Variants in CLASP1 observed in about 807,000 individuals in gnomAD.
The protein encoded by CLASP1 is cytoplasmic linker associated protein 1.
CLASP1 carries 38 observed loss-of-function variants against 192.3 expected under a neutral mutation model. The ratio of observed to expected loss-of-function variants is 0.20; its 90% CI spans 0.15 to 0.26. The LOEUF (loss-of-function observed/expected upper bound fraction) is 0.26, where lower values mean the gene tolerates loss of function less well. Ranked by LOEUF, CLASP1 falls within the 10% of genes least tolerant of loss-of-function variation. The pLI is 1.00. For missense variants in CLASP1, 1,433 were observed against 1,932.5 expected (o/e 0.74, Z 4.85); for synonymous variants, 691 against 712.8 (o/e 0.97, Z 0.49).
At chr2:121,528,500 G>A (rs2094641997) in intron 4 of CLASP1, among the ~76,000 whole-genome samples, 177 bp downstream of exon 4, 1 of 152,204 alleles carries the variant, frequency 6.6e-6, no homozygotes, top group Non-Finnish European at 1.5e-5. Flanking sequence ...ATAGTTTTGT[G>A]ACTTATTTAA....
At chr2:121,343,757 C>T (rs919432261) in intron 39 of CLASP1, among the ~76,000 whole-genome samples, 4 of 152,096 alleles carry the variant, frequency 2.6e-5, no homozygotes, top group Non-Finnish European at 4.4e-5. Context: ...GATGGTTATA[C>T]AACAATATGA....
At chr2:121,531,103 C>G (rs1403471112) in intron 2 of CLASP1, 3 of 645,172 alleles carry the variant, frequency 4.6e-6, no homozygotes, top group East Asian at 5.5e-5. Flanking sequence ...GTGCACAAGA[C>G]GCGTGGTTTT....
chr2:121,361,201 C>T (rs764703618), intron 37 of CLASP1, among the ~76,000 whole-genome samples: 8 of 152,110 alleles, frequency 5.3e-5, no homozygotes, highest in African/African-American at 1.7e-4. Flanking sequence ...GGCTCATGCC[C>T]GTAGTCCCAG....
intron 2 of CLASP1, among the ~76,000 whole-genome samples, chr2:121,553,782 T>C (rs1317270103): frequency 1.3e-5 from 2 of 152,196 alleles, no homozygotes; most frequent in Non-Finnish European, 2.9e-5. Context: ...TCATTAATTA[T>C]GAATTAATGC....
At chr2:121,430,931 A>G (rs1384100109) in intron 19 of CLASP1, among the ~76,000 whole-genome samples, 1 of 151,976 alleles carries the variant, frequency 6.6e-6, no homozygotes, top group Non-Finnish European at 1.5e-5. Context: ...ATTCAGAAAC[A>G]CAAAATCATT....
intron 24 of CLASP1, chr2:121,409,119 G>T (rs939805312): frequency 7.7e-7 from 1 of 1,295,894 alleles, no homozygotes; most frequent in Non-Finnish European, 1.1e-6. Flanking sequence ...TGTAGGGATT[G>T]TTCTTGCAAC....
At chr2:121,369,600 AGT>A (rs1250523679) in intron 34 of CLASP1, among the ~76,000 whole-genome samples, 1 of 152,244 alleles carries the variant, frequency 6.6e-6, no homozygotes, top group Non-Finnish European at 1.5e-5. Context: ...TTACTCCCTC[AGT>A]GTGTGTCTCC....
chr2:121,387,211 C>A, exon 32 of CLASP1: 1 of 1,602,884 alleles, frequency 6.2e-7, no homozygotes. Flanking sequence ...TCCGGCCAAT[C>A]GTATTGCTTG....
At chr2:121,507,250 A>G (rs975018977) in intron 7 of CLASP1, among the ~76,000 whole-genome samples, 1 of 152,224 alleles carries the variant, frequency 6.6e-6, no homozygotes, top group African/African-American at 2.4e-5. Flanking sequence ...GAAAGAATAT[A>G]TTTAAAAGAA....
At chr2:121,583,414 T>C (rs1344560676) in intron 2 of CLASP1, among the ~76,000 whole-genome samples, 1 of 152,200 alleles carries the variant, frequency 6.6e-6, no homozygotes, top group East Asian at 1.9e-4. Flanking sequence ...AACTAACCTC[T>C]GGGAATTGTG....
chr2:121,436,715 T>C (rs1167945363), intron 19 of CLASP1, among the ~76,000 whole-genome samples: 1 of 152,170 alleles, frequency 6.6e-6, no homozygotes, highest in Non-Finnish European at 1.5e-5. Flanking sequence ...CCGGCTTTAG[T>C]GTCTTTCATC....
At chr2:121,411,035 ACTACT>A in intron 23 of CLASP1, 66 bp from the exon 25 acceptor site, 4 of 999,334 alleles carry the variant, frequency 4.0e-6, no homozygotes, top group Non-Finnish European at 5.9e-6. Flanking sequence ...CCTTGCAAGG[ACTACT>A]GCCTCTTCCC....
Position 121,438,142 on chromosome 2 carries a change from C to T in CLASP1, c.1913-7965G>A, listed in dbSNP as rs371917184. Among the ~76,000 whole-genome samples, 13 of 152,250 alleles carry T rather than the reference C, an allele frequency of 8.5e-5. 1 individual carries two copies. The highest frequency in any genetic ancestry group is 1.4e-4 in the African/African-American group (6 of 41,562). Reference sequence around the variant, plus strand: ...CACTGATTTCCATCTGCATGAACCCCGAGGAATTAGATTTGAGAGTAGCTT... The same window carrying T: ...CACTGATTTCCATCTGCATGAACCCTGAGGAATTAGATTTGAGAGTAGCTT... On this transcript the variant is annotated intron_variant, in intron 19 of 39. Transcript: ENST00000263710.
intron 1 of CLASP1, among the ~76,000 whole-genome samples, chr2:121,636,453 C>G (rs909168798): frequency 6.6e-6 from 1 of 151,290 alleles, no homozygotes; most frequent in Non-Finnish European, 1.5e-5. Flanking sequence ...CACCTGAGGT[C>G]AGGAGTTCGA....
intron 6 of CLASP1, among the ~76,000 whole-genome samples, chr2:121,518,886 G>GA (rs2094392428): frequency 6.6e-6 from 1 of 151,736 alleles, no homozygotes; most frequent in African/African-American, 2.4e-5. Flanking sequence ...TCAAGAAAAA[G>GA]AAAAAAAGAA....
intron 30 of CLASP1, among the ~76,000 whole-genome samples, chr2:121,389,449 C>G (rs1361430534): frequency 6.7e-6 from 1 of 150,164 alleles, no homozygotes; most frequent in Non-Finnish European, 1.5e-5. Context: ...GCAAAGTAAC[C>G]TGCATATTTT....
chr2:121,353,069 C>G (rs1207276443), intron 37 of CLASP1, among the ~76,000 whole-genome samples: 15 of 152,180 alleles, frequency 9.9e-5, no homozygotes, highest in Non-Finnish European at 2.2e-4. Context: ...GAGGCTCACA[C>G]CTGTAACCCC....
intron 33 of CLASP1, among the ~76,000 whole-genome samples, chr2:121,379,602 T>C (rs983899922): frequency 3.3e-5 from 5 of 152,214 alleles, no homozygotes; most frequent in African/African-American, 4.8e-5. Context: ...TAAAATACTT[T>C]TAATCACAAC....
chr2:121,392,221 G>T (rs1364703075), intron 30 of CLASP1, among the ~76,000 whole-genome samples: 1 of 152,104 alleles, frequency 6.6e-6, no homozygotes, highest in African/African-American at 2.4e-5. Flanking sequence ...AAACATACAG[G>T]CATTTTAAAT....
Sources: allele counts gnomAD v4.1 joint callset (sites outside exome capture counted in the v4.1 genomes callset), GRCh38; gene constraint gnomAD v4.1.1; transcripts MANE v1.5; gene names NCBI Gene and HGNC (gene_info 2026-07-23, HGNC 2026-07-21).